ATXN10: variants seen among roughly 807,000 people sequenced by gnomAD.
The protein encoded by ATXN10 is ataxin-10.
Under a neutral mutation model 52.9 loss-of-function variants are expected in ATXN10, and 28 were observed. That is an observed-to-expected ratio of 0.53 (90% CI 0.39 to 0.73). ATXN10 has a LOEUF of 0.73. ATXN10 is among the 30% of genes least tolerant of loss of function. ATXN10 has a pLI of 0.00. For missense variants in ATXN10, 565 were observed against 577.0 expected (o/e 0.98, Z 0.21); for synonymous variants, 226 against 221.5 (o/e 1.02, Z -0.18).
chr22:45,704,632 A>G (rs184870403), intron 5 of ATXN10, among the ~76,000 whole-genome samples: 10 of 152,268 alleles, frequency 6.6e-5, no homozygotes, highest in Non-Finnish European at 1.0e-4. Context: ...ATATCCTGCA[A>G]TCTTTCTTCC....
intron 10 of ATXN10, among the ~76,000 whole-genome samples, chr22:45,817,506 G>A (rs1369104854): frequency 6.6e-6 from 1 of 151,980 alleles, no homozygotes; most frequent in African/African-American, 2.4e-5. Context: ...TGTATTTTCA[G>A]TAGAGACGGG....
At chr22:45,723,623 T>C (rs1601607135) in intron 6 of ATXN10, among the ~76,000 whole-genome samples, 1 of 152,100 alleles carries the variant, frequency 6.6e-6, no homozygotes, top group South Asian at 2.1e-4. Context: ...TGAGAACATA[T>C]GGTATTTGAT....
At position 45,816,581 on chromosome 22, in the gene ATXN10, G is replaced by T. The variant is rs1390460524; in HGVS notation, c.1237+9559G>T. 6.6e-6 allele frequency among the ~76,000 whole-genome samples: 1 copy of T among 152,204 alleles called. No homozygotes were observed. Among genetic ancestry groups the T allele is most frequent in the Non-Finnish European group, 1.5e-5 (1 of 68,032 alleles). On this transcript the variant is annotated intron_variant, in intron 10 of 11. Coordinates refer to ENST00000252934, the MANE Select transcript of ATXN10 (RefSeq NM_013236.4). This position sits in a 1 kb window ranked among gnomAD's most constrained non-coding sequence, Gnocchi z 5.8. ...TCCCAGGTGGGAACTATGTCATCTT[G>T]TTCCTGTACCCTGAGTGCATTCCCA...
At chr22:45,765,699 T>C (rs556270828) in intron 9 of ATXN10, among the ~76,000 whole-genome samples, 65 of 152,220 alleles carry the variant, frequency 4.3e-4, no homozygotes, top group Admixed American at 1.1e-3. Flanking sequence ...GTTCAAAATA[T>C]TGGTTGTTCT....
chr22:45,730,940 A>G (rs945339694), intron 7 of ATXN10, among the ~76,000 whole-genome samples: 1 of 152,206 alleles, frequency 6.6e-6, no homozygotes, highest in Non-Finnish European at 1.5e-5. Flanking sequence ...TCTTCTTTAT[A>G]GGAGATTCCT....
chr22:45,839,093 G>A (rs1438405058), intron 10 of ATXN10, among the ~76,000 whole-genome samples: 1 of 152,180 alleles, frequency 6.6e-6, no homozygotes, highest in Non-Finnish European at 1.5e-5. Flanking sequence ...ATATGTAAGA[G>A]TATTAAATGT....
chr22:45,830,106 C>T (rs950114336), intron 10 of ATXN10, among the ~76,000 whole-genome samples: 3 of 152,170 alleles, frequency 2.0e-5, no homozygotes, highest in African/African-American at 4.8e-5. Flanking sequence ...ATGACAACAC[C>T]ATTCAGTGGA....
intron 9 of ATXN10, among the ~76,000 whole-genome samples, chr22:45,751,843 GTTTTTTTTT>G (rs138181): frequency 7.5e-6 from 1 of 132,658 alleles, no homozygotes. Flanking sequence ...AGCATATTTA[GTTTTTTTTT>G]TTTTTTTTTT....
intron 10 of ATXN10, among the ~76,000 whole-genome samples, chr22:45,834,787 C>T (rs2146913585): frequency 6.6e-6 from 1 of 152,312 alleles, no homozygotes; most frequent in African/African-American, 2.4e-5. Flanking sequence ...TGCACCGTGG[C>T]CTGAATGTCT....
chr22:45,703,650 T>C (rs1012016669), intron 5 of ATXN10, among the ~76,000 whole-genome samples: 4 of 152,200 alleles, frequency 2.6e-5, no homozygotes, highest in Admixed American at 2.6e-4. Context: ...GTTACTTATA[T>C]AGACAGAGAA....
In ATXN10 at chr22:45,708,696, G is replaced by A. The variant is rs1924130799; in HGVS notation, c.647+5849G>A. 6.6e-6 allele frequency among the ~76,000 whole-genome samples: 1 copy of A among 152,190 alleles called. No homozygotes were observed. ...ACTCTGTTGCCCAGGCTGGAGTGCA[G>A]TGGTGTGATCTTGACTCACTGCAAC... On this transcript the variant is annotated intron_variant, in intron 5 of 11. Transcript: ENST00000252934. This position sits in a 1 kb window ranked among gnomAD's most constrained non-coding sequence, Gnocchi z 5.3.
intron 10 of ATXN10, among the ~76,000 whole-genome samples, chr22:45,814,292 T>A (rs1928385482): frequency 6.6e-6 from 1 of 152,194 alleles, no homozygotes; most frequent in African/African-American, 2.4e-5. Flanking sequence ...AACAATTCAG[T>A]TTTTAAAAAT....
intron 7 of ATXN10, among the ~76,000 whole-genome samples, chr22:45,737,050 G>A (rs1244896895): frequency 6.6e-6 from 1 of 152,250 alleles, no homozygotes; most frequent in Non-Finnish European, 1.5e-5. Context: ...TCAGAATAAT[G>A]AGTTGGTTTT....
chr22:45,680,935 G>A (rs944022503), intron 1 of ATXN10, among the ~76,000 whole-genome samples: 1 of 152,144 alleles, frequency 6.6e-6, no homozygotes, highest in South Asian at 2.1e-4. Flanking sequence ...GTTCTTGAAA[G>A]TGGGAGGCTG....
intron 3 of ATXN10, among the ~76,000 whole-genome samples, chr22:45,695,583 C>T (rs941200909): frequency 2.0e-5 from 3 of 151,424 alleles, no homozygotes; most frequent in South Asian, 2.1e-4. Flanking sequence ...ACCGCCTTCC[C>T]GCCGGGTTCA....
intron 3 of ATXN10, among the ~76,000 whole-genome samples, chr22:45,695,347 A>T (rs956384283): frequency 1.3e-5 from 2 of 151,892 alleles, no homozygotes; most frequent in African/African-American, 4.8e-5. Context: ...AAAAATTGTC[A>T]TTGTAATAAC....
Position 45,790,299 on chromosome 22 carries a change from C to T in ATXN10, c.1174-16660C>T, listed in dbSNP as rs1927462586. On this transcript the variant is annotated intron_variant, in intron 9 of 11. Transcript: ENST00000252934. The surrounding 1 kb of genome is among the most constrained non-coding windows in gnomAD (Gnocchi z 4.7). ...ATGTGTGTGGTTCTTTCAGGAACAC[C>T]CAATACCAAACCTCTGATATGCCTC... Among the ~76,000 whole-genome samples the T allele has an allele frequency of 1.3e-5, 2 of 151,896 alleles. No homozygotes were observed. The highest frequency in any genetic ancestry group is 6.6e-5 in the Admixed American group (1 of 15,232).
chr22:45,796,678 C>G (rs1340428670), intron 9 of ATXN10, among the ~76,000 whole-genome samples: 4 of 152,140 alleles, frequency 2.6e-5, no homozygotes, highest in Non-Finnish European at 5.9e-5. Flanking sequence ...GCTGGTTCCC[C>G]CGATAGATGG....
chr22:45,821,249 G>C (rs901904851), intron 10 of ATXN10, among the ~76,000 whole-genome samples: 1 of 151,804 alleles, frequency 6.6e-6, no homozygotes, highest in Non-Finnish European at 1.5e-5. Flanking sequence ...AGGCATAGTG[G>C]CTCACGCCTC....
Sources: gnomAD v4.1 joint callset for allele counts (sites outside exome capture counted in the v4.1 genomes callset) on GRCh38, gnomAD v4.1.1 for gene constraint, Gnocchi (gnomAD v3.1) non-coding constraint, MANE v1.5 for transcripts, NCBI Gene and HGNC (gene_info 2026-07-23, HGNC 2026-07-21) for gene names.